SH3PXD2B: variants seen among roughly 807,000 people sequenced by gnomAD.
SH3PXD2B encodes SH3 and PX domains 2B.
In SH3PXD2B, 37 loss-of-function variants were observed where a neutral mutation model predicts 73.1. The ratio of observed to expected loss-of-function variants is 0.51; its 90% CI spans 0.39 to 0.67. The LOEUF is 0.67. Ranked by LOEUF, SH3PXD2B falls within the 30% of genes least tolerant of loss-of-function variation. The pLI, the probability that SH3PXD2B is intolerant of heterozygous loss-of-function variation, is 0.00. For synonymous variants in SH3PXD2B, 457 were observed against 480.5 expected (o/e 0.95, Z 0.64); for missense variants, 1,053 against 1,197.8 (o/e 0.88, Z 1.78).
At chr5:172,439,255 AAAAAAAAACAAAAACAAAAACAAAAC>A (rs1561583346) in intron 1 of SH3PXD2B, among the ~76,000 whole-genome samples, 3 of 119,346 alleles carry the variant, frequency 2.5e-5, no homozygotes, top group African/African-American at 4.3e-5. Context: ...AAAAAAGAAA[AAAAAAAAACAAAAACAAAAACAAAAC>A]AAAAAAAAAA....
intron 7 of SH3PXD2B, among the ~76,000 whole-genome samples, chr5:172,361,470 A>T (rs909735372): frequency 6.6e-6 from 1 of 152,168 alleles, no homozygotes; most frequent in Admixed American, 6.6e-5. Flanking sequence ...CCCTCTGGAC[A>T]TACCAACACT....
intron 12 of SH3PXD2B, among the ~76,000 whole-genome samples, chr5:172,345,307 G>A (rs947377104): frequency 1.3e-5 from 2 of 152,182 alleles, no homozygotes; most frequent in Non-Finnish European, 2.9e-5. Context: ...AAAGGAAAGA[G>A]GATGGTGACG....
intron 2 of SH3PXD2B, among the ~76,000 whole-genome samples, chr5:172,414,823 A>T (rs1758783728): frequency 6.6e-6 from 1 of 152,100 alleles, no homozygotes; most frequent in Non-Finnish European, 1.5e-5. Context: ...CCCCCCTGCC[A>T]ATGTTGGAAT....
At chr5:172,375,166 C>G (rs1205958030) in intron 5 of SH3PXD2B, among the ~76,000 whole-genome samples, 2 of 152,178 alleles carry the variant, frequency 1.3e-5, no homozygotes, top group Admixed American at 1.3e-4. Flanking sequence ...TGGAGACCAG[C>G]CTGGCCAACA....
intron 2 of SH3PXD2B, among the ~76,000 whole-genome samples, chr5:172,419,122 G>A (rs975827540): frequency 1.3e-5 from 2 of 152,118 alleles, no homozygotes; most frequent in Admixed American, 6.5e-5. Flanking sequence ...AACATACAGC[G>A]GTGACCCCAA....
intron 5 of SH3PXD2B, among the ~76,000 whole-genome samples, chr5:172,375,578 A>G (rs1581287347): frequency 2.0e-5 from 3 of 152,216 alleles, no homozygotes; most frequent in South Asian, 2.1e-4. Context: ...CCTATTCTGG[A>G]TGTTTCATAT....
intron 8 of SH3PXD2B, among the ~76,000 whole-genome samples, chr5:172,358,498 G>A (rs1013131110): frequency 7.2e-5 from 11 of 152,224 alleles, no homozygotes; most frequent in African/African-American, 2.7e-4. Context: ...CGATCAGGCT[G>A]GGGCCCTCCT....
At chr5:172,327,419 G>A (rs1756466717) in intron 12 of SH3PXD2B, among the ~76,000 whole-genome samples, 1 of 152,176 alleles carries the variant, frequency 6.6e-6, no homozygotes, top group African/African-American at 2.4e-5. Flanking sequence ...TCTACAAAGT[G>A]GATTCCATGA....
chr5:172,365,218 G>A (rs982886354), intron 6 of SH3PXD2B, among the ~76,000 whole-genome samples: 2 of 152,160 alleles, frequency 1.3e-5, no homozygotes, highest in African/African-American at 4.8e-5. Flanking sequence ...AGATCGGGCA[G>A]GAAGCAGCCT....
intron 3 of SH3PXD2B, among the ~76,000 whole-genome samples, chr5:172,396,332 C>T (rs181297475): frequency 2.8e-4 from 43 of 151,274 alleles, no homozygotes; most frequent in African/African-American, 9.2e-4. Flanking sequence ...CAAGATCATA[C>T]GACAGCACTC....
chr5:172,415,042 G>C (rs1758788535), intron 2 of SH3PXD2B, among the ~76,000 whole-genome samples: 2 of 152,180 alleles, frequency 1.3e-5, no homozygotes, highest in Non-Finnish European at 2.9e-5. Context: ...TGAACACCTG[G>C]ATTTCTCTCT....
rs537173271 is a variant in SH3PXD2B, at chr5:172,439,095, C to T, written c.75+15183G>A. The stretch of plus-strand genomic sequence containing the variant: ...CTCTACTAAAAATACAAAAATTAGC[C>T]GGCCTGTGGTGGTGCGCACCTGTAG... On this transcript the variant is annotated intron_variant, in intron 1 of 12. Coordinates refer to ENST00000311601, the MANE Select transcript of SH3PXD2B (RefSeq NM_001017995.3). Among the ~76,000 whole-genome samples the T allele has an allele frequency of 2.8e-4, 43 of 151,760 alleles. No homozygotes were observed. The South Asian group carries it at 3.5e-3, about 12-fold the overall frequency.
At chr5:172,368,577 T>C in intron 6 of SH3PXD2B, among the ~76,000 whole-genome samples, 1 of 14,576 alleles carries the variant, frequency 6.9e-5, no homozygotes, top group African/African-American at 6.1e-4. Context: ...AAATATGTTA[T>C]ATATATATAT....
intron 2 of SH3PXD2B, among the ~76,000 whole-genome samples, chr5:172,409,801 C>T (rs1202652522): frequency 6.6e-6 from 1 of 152,154 alleles, no homozygotes; most frequent in African/African-American, 2.4e-5. Flanking sequence ...CTGCAGCCTC[C>T]GCCTCCTGGG....
chr5:172,350,654 CT>C (rs1418606988), intron 9 of SH3PXD2B, 65 bp from the exon 10 acceptor site: 3 of 1,492,636 alleles, frequency 2.0e-6, no homozygotes, highest in Non-Finnish European at 2.7e-6. Flanking sequence ...AGCCTTGCTC[CT>C]ACTGGGAATC....
At chr5:172,388,114 C>G (rs1478688336) in intron 4 of SH3PXD2B, among the ~76,000 whole-genome samples, 1 of 152,150 alleles carries the variant, frequency 6.6e-6, no homozygotes, top group Non-Finnish European at 1.5e-5. Flanking sequence ...CTATTTGTTT[C>G]AAGAGTCTGT....
rs1756681001 is a variant in SH3PXD2B at position 172,335,984 on chromosome 5, G to A, written c.*2385C>T. On this transcript the variant is annotated 3_prime_UTR_variant, in exon 13 of 13. Coordinates refer to ENST00000311601, the MANE Select transcript of SH3PXD2B (RefSeq NM_001017995.3). ...TTTGCAGGAAAACTTTCTGCCTAGAGGAAGGCAGGGCAAGTCTGCTCCTAC... is the reference window on the plus strand; with the variant it reads ...TTTGCAGGAAAACTTTCTGCCTAGAAGAAGGCAGGGCAAGTCTGCTCCTAC... 5 of 1,027,980 alleles carry A rather than the reference G, an allele frequency of 4.9e-6. No homozygotes were observed. Among genetic ancestry groups the A allele is most frequent in the Admixed American group, 5.7e-5 (1 of 17,418 alleles). 63.7% of individuals were successfully genotyped at this position (1,027,980 alleles called of 1,614,324 possible).
chr5:172,364,923 T>C (rs1187185364), intron 6 of SH3PXD2B, among the ~76,000 whole-genome samples: 1 of 152,196 alleles, frequency 6.6e-6, no homozygotes, highest in Non-Finnish European at 1.5e-5. Flanking sequence ...CACTCCAGCC[T>C]CTGCAACCAG....
chr5:172,448,399 G>A (rs1351259165), intron 1 of SH3PXD2B, among the ~76,000 whole-genome samples: 2 of 152,174 alleles, frequency 1.3e-5, no homozygotes, highest in African/African-American at 4.8e-5. Flanking sequence ...CACCCAGGCT[G>A]GAGTGAAGTG....
Sources: gnomAD v4.1 joint callset for allele counts (sites outside exome capture counted in the v4.1 genomes callset) on GRCh38, gnomAD v4.1.1 for gene constraint, MANE v1.5 for transcripts, NCBI Gene and HGNC (gene_info 2026-07-23, HGNC 2026-07-21) for gene names.